DLG2: variants seen among roughly 807,000 people sequenced by gnomAD.
DLG2 encodes disks large homolog 2.
In DLG2, 45 loss-of-function variants were observed where a neutral mutation model predicts 132.5. That is an observed-to-expected ratio of 0.34 (90% CI 0.27 to 0.44). DLG2 has a LOEUF of 0.44. Among genes scored for constraint, DLG2 ranks in the 20% least tolerant of loss-of-function variants. The pLI, the probability that DLG2 is intolerant of heterozygous loss-of-function variation, is 1.00. For synonymous variants in DLG2, 424 were observed against 419.6 expected (o/e 1.01, Z -0.13); for missense variants, 1,045 against 1,196.9 (o/e 0.87, Z 1.87).
At chr11:84,680,632 C>T (rs1287270819) in intron 6 of DLG2, among the ~76,000 whole-genome samples, 3 of 152,154 alleles carry the variant, frequency 2.0e-5, no homozygotes, top group Non-Finnish European at 4.4e-5. Flanking sequence ...TAAACTTTTG[C>T]TTTGCAGCCA....
chr11:85,331,431 T>C (rs1416004826), intron 3 of DLG2, among the ~76,000 whole-genome samples: 1 of 152,360 alleles, frequency 6.6e-6, no homozygotes, highest in South Asian at 2.1e-4. Context: ...CATTTTGTTG[T>C]TAATTCCAAA....
intron 3 of DLG2, among the ~76,000 whole-genome samples, chr11:85,356,415 A>G (rs2083696708): frequency 1.3e-5 from 2 of 152,140 alleles, no homozygotes; most frequent in Middle Eastern, 3.4e-3. Context: ...CTTGATACTG[A>G]GAGTTGAAAA....
At chr11:84,428,692 A>G (rs1477654840) in intron 7 of DLG2, among the ~76,000 whole-genome samples, 3 of 152,238 alleles carry the variant, frequency 2.0e-5, no homozygotes, top group African/African-American at 7.2e-5. Context: ...TAGAAGTCCT[A>G]TCTCCAAATA....
At chr11:85,300,378 A>T (rs2079514729) in intron 3 of DLG2, among the ~76,000 whole-genome samples, 1 of 152,192 alleles carries the variant, frequency 6.6e-6, no homozygotes, top group African/African-American at 2.4e-5. Flanking sequence ...TAGAGACCTG[A>T]GAACATAATA....
At chr11:84,882,325 GA>G (rs777498846) in intron 6 of DLG2, among the ~76,000 whole-genome samples, 3 of 149,534 alleles carry the variant, frequency 2.0e-5, no homozygotes, top group Admixed American at 6.7e-5. Context: ...AGGCAAAAAA[GA>G]AAAAAAAATG....
Position 84,651,913 on chromosome 11 carries a change from A to G in DLG2, c.358-117182T>C, listed in dbSNP as rs11822547. ...GTACCAATATACAGATTTTAATGCCAGTAATAATGAAGTGGTCAGAATTAT... is the reference window on the plus strand; with the variant it reads ...GTACCAATATACAGATTTTAATGCCGGTAATAATGAAGTGGTCAGAATTAT... On this transcript the variant is annotated intron_variant, in intron 6 of 27. Transcript: ENST00000376104. Among the ~76,000 whole-genome samples the G allele has an allele frequency of 6.6e-3, 1,007 of 152,294 alleles. 17 individuals are homozygous for G. Among genetic ancestry groups the G allele is most frequent in the African/African-American group, 0.022 (923 of 41,560 alleles).
intron 10 of DLG2, among the ~76,000 whole-genome samples, chr11:84,077,170 C>T (rs555481692): frequency 1.3e-4 from 20 of 152,288 alleles, no homozygotes; most frequent in African/African-American, 3.6e-4. Context: ...CTATCTCCTT[C>T]CTCTTTACCA....
chr11:85,226,959 A>G (rs1284182869), intron 4 of DLG2, among the ~76,000 whole-genome samples: 1 of 152,108 alleles, frequency 6.6e-6, no homozygotes, highest in African/African-American at 2.4e-5. Context: ...AAGCTTAAAC[A>G]TTCTTAGTTA....
chr11:85,609,876 G>A (rs551036749), intron 2 of DLG2, among the ~76,000 whole-genome samples: 5 of 152,282 alleles, frequency 3.3e-5, no homozygotes, highest in South Asian at 2.1e-4. Flanking sequence ...CTGTAACCAG[G>A]TATTTCTCCC....
intron 6 of DLG2, among the ~76,000 whole-genome samples, chr11:84,962,624 T>C (rs538206098): frequency 6.6e-6 from 1 of 152,326 alleles, no homozygotes; most frequent in East Asian, 1.9e-4. Flanking sequence ...AGAAATACCA[T>C]ACTGCTTAGC....
At chr11:83,968,128 G>A (rs1226913978) in intron 12 of DLG2, among the ~76,000 whole-genome samples, 5 of 152,112 alleles carry the variant, frequency 3.3e-5, no homozygotes, top group African/African-American at 4.8e-5. Flanking sequence ...AAAAGCATTG[G>A]ACTGAATTCC....
intron 17 of DLG2, among the ~76,000 whole-genome samples, chr11:83,814,266 A>G (rs1205599032): frequency 6.6e-6 from 1 of 152,168 alleles, no homozygotes; most frequent in Non-Finnish European, 1.5e-5. Flanking sequence ...GAATTGTAAA[A>G]AATAAGTATC....
chr11:83,467,771 G>GTATGTATA (rs1555055512), intron 25 of DLG2, among the ~76,000 whole-genome samples: 3 of 85,058 alleles, frequency 3.5e-5, no homozygotes, highest in African/African-American at 1.3e-4. Context: ...AAAACTATAT[G>GTATGTATA]TATATATATA....
intron 6 of DLG2, among the ~76,000 whole-genome samples, chr11:85,084,896 TG>T (rs1566816446): frequency 6.6e-6 from 1 of 152,148 alleles, no homozygotes; most frequent in Non-Finnish European, 1.5e-5. Flanking sequence ...TTTCTCAAAA[TG>T]GTATAAATTT....
chr11:85,130,692 T>C (rs891334870), intron 5 of DLG2, among the ~76,000 whole-genome samples: 2 of 152,162 alleles, frequency 1.3e-5, no homozygotes, highest in Non-Finnish European at 2.9e-5. Flanking sequence ...GATAAGGAGA[T>C]GAGTATTAAA....
intron 12 of DLG2, among the ~76,000 whole-genome samples, chr11:83,979,069 A>C (rs1203056259): frequency 6.6e-6 from 1 of 152,188 alleles, no homozygotes; most frequent in Non-Finnish European, 1.5e-5. Flanking sequence ...TTATAAAAGA[A>C]CATGGAACTT....
chr11:83,467,747 T>G (rs2091296269), intron 25 of DLG2, among the ~76,000 whole-genome samples: 1 of 125,970 alleles, frequency 7.9e-6, no homozygotes, highest in African/African-American at 3.0e-5. Flanking sequence ...TGAAATGCCA[T>G]CTCAAAAAAA....
chr11:84,569,099 A>T (rs1170632782), intron 6 of DLG2, among the ~76,000 whole-genome samples: 1 of 152,174 alleles, frequency 6.6e-6, no homozygotes, highest in East Asian at 1.9e-4. Context: ...GGTCTCACTG[A>T]ACAACAGAGT....
At position 85,463,680 on chromosome 11, in the gene DLG2, AG is replaced by A. The variant is rs543207491; in HGVS notation, c.40+134976del. 4.7e-4 allele frequency among the ~76,000 whole-genome samples: 72 copies of A among 152,232 alleles called. 1 individual carries two copies. Among genetic ancestry groups the A allele is most frequent in the African/African-American group, 1.6e-3 (66 of 41,548 alleles). On this transcript the variant is annotated intron_variant, in intron 3 of 27. Coordinates refer to ENST00000376104, the MANE Select transcript of DLG2 (RefSeq NM_001142699.3). ...CAGCTACTTCAGAGGCTAAGGCGGG[AG>A]GATGACTTGAGCCCAGGAGTTCAAG...
Sources: gnomAD v4.1 joint callset for allele counts (sites outside exome capture counted in the v4.1 genomes callset) on GRCh38, gnomAD v4.1.1 for gene constraint, MANE v1.5 for transcripts, NCBI Gene and HGNC (gene_info 2026-07-23, HGNC 2026-07-21) for gene names.